ABHD18: variants seen among roughly 807,000 people sequenced by gnomAD.
The protein encoded by ABHD18 is cardiolipin-specific deacylase, mitochondrial.
ABHD18 carries 55 observed loss-of-function variants against 65.9 expected under a neutral mutation model. The observed-to-expected ratio is 0.84, with a 90% CI of 0.67 to 1.05. ABHD18 has a LOEUF of 1.05. Among genes scored for constraint, ABHD18 ranks in the 50% least tolerant of loss-of-function variants. ABHD18 has a pLI of 0.00. For synonymous variants in ABHD18, 181 were observed against 180.2 expected (o/e 1.00, Z -0.04); for missense variants, 533 against 558.5 (o/e 0.95, Z 0.46).
chr4:128,033,959 CTTTTTT>C (rs996416880), intron 12 of ABHD18, among the ~76,000 whole-genome samples: 1 of 123,438 alleles, frequency 8.1e-6, no homozygotes, highest in African/African-American at 3.0e-5. Context: ...TTTCTTTTTT[CTTTTTT>C]TTTTTTTTTT....
chr4:127,978,551 GA>G, intron 1 of ABHD18, among the ~76,000 whole-genome samples: 1 of 152,198 alleles, frequency 6.6e-6, no homozygotes, highest in Middle Eastern at 3.4e-3. Context: ...ATCTGATAAA[GA>G]CTTAAAATCC....
chr4:128,002,229 C>T (rs1579294809), intron 4 of ABHD18, among the ~76,000 whole-genome samples: 1 of 151,358 alleles, frequency 6.6e-6, no homozygotes, highest in East Asian at 2.0e-4. Flanking sequence ...GAGCCAAGAT[C>T]GTGACACTGC....
chr4:127,988,066 G>A (rs1403723509), intron 3 of ABHD18, among the ~76,000 whole-genome samples: 1 of 152,084 alleles, frequency 6.6e-6, no homozygotes, highest in Non-Finnish European at 1.5e-5. Flanking sequence ...TAAAAGATAG[G>A]CAAATAAGAC....
intron 1 of ABHD18, among the ~76,000 whole-genome samples, chr4:127,979,690 T>C (rs1043095083): frequency 6.6e-6 from 1 of 151,338 alleles, no homozygotes; most frequent in African/African-American, 2.4e-5. Context: ...CCGAGGCGGG[T>C]GGATCATCTG....
chr4:128,001,851 T>G (rs28674488), intron 4 of ABHD18: 26,092 of 1,338,294 alleles, frequency 0.019, 918 homozygotes, highest in African/African-American at 0.13. Flanking sequence ...GTTTTGTTTT[T>G]TTTTTTAATT....
chr4:128,011,642 T>G (rs1560895419), intron 6 of ABHD18, 31 bp from the exon 7 acceptor site: 1 of 1,524,902 alleles, frequency 6.6e-7, no homozygotes, highest in Admixed American at 2.0e-5. Flanking sequence ...TTTAATTATT[T>G]TAAAACTTTC....
At chr4:128,030,198 C>T (rs543080582) in intron 11 of ABHD18, among the ~76,000 whole-genome samples, 6 of 152,240 alleles carry the variant, frequency 3.9e-5, no homozygotes, top group Non-Finnish European at 5.9e-5. Context: ...GCATACCTTA[C>T]GTACTCTGAT....
chr4:128,001,078 T>A (rs1752561056), intron 4 of ABHD18, among the ~76,000 whole-genome samples: 2 of 152,198 alleles, frequency 1.3e-5, no homozygotes, highest in Non-Finnish European at 2.9e-5. Flanking sequence ...TTATATTGTC[T>A]GCAAAGAGAG....
chr4:127,989,773 T>A lies in ABHD18; in HGVS notation c.230T>A (p.Met77Lys). 6.2e-7 allele frequency: 1 copy of A among 1,603,366 alleles called. No individual in the cohort carries two copies. The highest frequency in any genetic ancestry group is 8.5e-7 in the Non-Finnish European group (1 of 1,174,808). ...TTAGATGGACACTTTGTTTCCCCCA[T>A]GGCTCACTATGTGCCTGATATCATG... ...KILDGHFVSP[M>K]AHYVPDIMPI... The change falls in exon 4 of 13, where the codon ATG (methionine) becomes AAG (lysine). Residue 77 changes from methionine (M) to lysine (K), a missense_variant. Coordinates refer to ENST00000645843, the MANE Select transcript of ABHD18 (RefSeq NM_001358451.3).
intron 7 of ABHD18, among the ~76,000 whole-genome samples, chr4:128,014,498 A>G (rs1043497834): frequency 2.6e-5 from 4 of 152,194 alleles, no homozygotes; most frequent in Admixed American, 6.5e-5. Context: ...TGGGAATACT[A>G]TGTAATTTCT....
intron 7 of ABHD18, among the ~76,000 whole-genome samples, chr4:128,013,642 GA>G (rs1754961881): frequency 6.6e-6 from 1 of 151,794 alleles, no homozygotes; most frequent in African/African-American, 2.4e-5. Context: ...AGCTTACAGT[GA>G]GCCGAGATTG....
rs1247214499 is a variant in ABHD18, at chr4:128,036,244, G to A, written c.*431G>A. Reference sequence around the variant, plus strand: ...TAACATTTCACTCTTGACTTGATTTGAGAAACATGTTTATTTTTTGAATGT... The same window carrying A: ...TAACATTTCACTCTTGACTTGATTTAAGAAACATGTTTATTTTTTGAATGT... On this transcript the variant is annotated 3_prime_UTR_variant, in exon 13 of 13. Coordinates refer to ENST00000645843, the MANE Select transcript of ABHD18 (RefSeq NM_001358451.3). 6.6e-6 allele frequency: 1 copy of A among 152,360 alleles called. No individual in the cohort carries two copies. The highest frequency in any genetic ancestry group is 1.5e-5 in the Non-Finnish European group (1 of 68,256). 9.4% of individuals were successfully genotyped at this position (152,360 alleles called of 1,614,324 possible). A position where few individuals can be genotyped will look rare whatever the true frequency, so the allele number is the denominator to read the frequency against.
intron 12 of ABHD18, among the ~76,000 whole-genome samples, chr4:128,034,909 C>T (rs942664928): frequency 6.6e-6 from 1 of 152,110 alleles, no homozygotes; most frequent in African/African-American, 2.4e-5. Flanking sequence ...GCCTCGGCCT[C>T]CCAAAGTGCT....
At position 128,028,795 on chromosome 4, in the gene ABHD18, G is replaced by C; in HGVS notation, c.1122G>C (p.Glu374Asp). 6.2e-7 allele frequency: 1 copy of C among 1,606,030 alleles called. No individual in the cohort carries two copies. The highest frequency in any genetic ancestry group is 1.3e-5 in the African/African-American group (1 of 74,602). ...AAAGCAGAAACAGTCTTCGGAAAGA[G>C]TCTTTAATATTTATGAAAGGAGTCA... is the stretch of plus-strand genomic sequence containing the variant. ...KEQSRNSLRK[E>D]SLIFMKGVMD... The change falls in exon 11 of 13, where the codon GAG becomes GAC. Residue 374 changes from glutamate (E) to aspartate (D), a missense_variant. This residue lies in a region of ABHD18 where 220 missense variants were observed against 226.8 expected (regional missense o/e 0.97). Transcript: ENST00000645843.
At chr4:127,998,352 G>C (rs1307344020) in intron 4 of ABHD18, among the ~76,000 whole-genome samples, 5 of 142,304 alleles carry the variant, frequency 3.5e-5, no homozygotes, top group Non-Finnish European at 4.5e-5. Context: ...GCACGATCTC[G>C]GCTTACTGCA....
At position 128,037,601 on chromosome 4, in the gene ABHD18, G is replaced by A. The variant is rs1283587955; in HGVS notation, c.*1788G>A. On this transcript the variant is annotated 3_prime_UTR_variant, in exon 13 of 13. Transcript: ENST00000645843. Reference sequence around the variant, plus strand: ...GATATGCCTGCCTTGGCCTCCCAAAGTGCTGGGATTATAGGTTTGAGCCAC... The same window carrying A: ...GATATGCCTGCCTTGGCCTCCCAAAATGCTGGGATTATAGGTTTGAGCCAC... 6.6e-6 allele frequency: 1 copy of A among 152,076 alleles called. No individual in the cohort carries two copies. The highest frequency in any genetic ancestry group is 1.9e-4 in the East Asian group (1 of 5,166). The allele number at this position is 152,076 out of a possible 1,614,324, so 9.4% of individuals were successfully genotyped here.
At chr4:128,023,222 C>T (rs182623240) in intron 10 of ABHD18, among the ~76,000 whole-genome samples, 1 of 151,844 alleles carries the variant, frequency 6.6e-6, no homozygotes, top group South Asian at 2.1e-4. Flanking sequence ...GTCTATCTCA[C>T]GTAACTTCAA....
chr4:127,999,990 A>G (rs930271288), intron 4 of ABHD18, among the ~76,000 whole-genome samples: 20 of 152,220 alleles, frequency 1.3e-4, no homozygotes, highest in African/African-American at 2.7e-4. Context: ...GGTGAAAGGC[A>G]CATCTCATAT....
At chr4:127,988,005 T>A (rs1052062852) in intron 3 of ABHD18, among the ~76,000 whole-genome samples, 1 of 152,064 alleles carries the variant, frequency 6.6e-6, no homozygotes, top group Admixed American at 6.6e-5. Context: ...CATATAACAA[T>A]GAGTATTAAA....
Sources: gnomAD v4.1 joint callset for allele counts (sites outside exome capture counted in the v4.1 genomes callset) on GRCh38, gnomAD v4.1.1 for gene constraint, gnomAD v4.1.1 regional missense constraint, MANE v1.5 for transcripts, NCBI Gene and HGNC (gene_info 2026-07-23, HGNC 2026-07-21) for gene names.